Variants in MBD2 observed in about 807,000 individuals in gnomAD.
MBD2 encodes the protein methyl-CpG binding domain protein 2, also known as methyl-CpG-binding domain protein 2.
In MBD2, 9 loss-of-function variants were observed where a neutral mutation model predicts 39.3. That is an observed-to-expected ratio of 0.23 (90% CI 0.14 to 0.40). MBD2 has a LOEUF of 0.40. MBD2 is among the 10% of genes least tolerant of loss of function. The pLI is 1.00. For missense variants in MBD2, 458 were observed against 532.6 expected, an observed-to-expected ratio of 0.86 and a Z score of 1.38; for synonymous variants, 233 against 211.1, an observed-to-expected ratio of 1.10 and a Z score of -0.90.
intron 3 of MBD2, among the ~76,000 whole-genome samples, chr18:54,184,293 C>T (rs1223491165): frequency 6.6e-6 from 1 of 152,084 alleles, no homozygotes. Context: ...TCAGAGGCAG[C>T]ATTAAATTCT....
At chr18:54,189,735 G>T (rs2086307899) in intron 2 of MBD2, among the ~76,000 whole-genome samples, 2 of 151,436 alleles carry the variant, frequency 1.3e-5, no homozygotes, top group Non-Finnish European at 3.0e-5. Flanking sequence ...CGGCAGCCTT[G>T]ACCTCCTGGG....
At chr18:54,200,694 C>CAAAGCTTATTTGCATATTGAGAG (rs1380978428) in intron 2 of MBD2, among the ~76,000 whole-genome samples, 2,615 of 151,752 alleles carry the variant, frequency 0.017, 78 homozygotes, top group African/African-American at 0.06. Flanking sequence ...CATATTGAGG[C>CAAAGCTTATTTGCATATTGAGAG]GCAAAGCTTA....
intron 3 of MBD2, among the ~76,000 whole-genome samples, chr18:54,182,625 A>C (rs1031794904): frequency 6.6e-6 from 1 of 152,228 alleles, no homozygotes; most frequent in African/African-American, 2.4e-5. Flanking sequence ...TTTCAGCAGT[A>C]TAACACTATT....
intron 1 of MBD2, among the ~76,000 whole-genome samples, chr18:54,216,291 T>C (rs1449513211): frequency 6.6e-6 from 1 of 152,206 alleles, no homozygotes; most frequent in Non-Finnish European, 1.5e-5. Context: ...GTATACCTGA[T>C]TTAGTGCAAG....
At chr18:54,206,500 C>G (rs375786142) in intron 1 of MBD2, among the ~76,000 whole-genome samples, 1 of 152,116 alleles carries the variant, frequency 6.6e-6, no homozygotes, top group East Asian at 1.9e-4. Context: ...AGAAAAATAA[C>G]TCATAGGAAG....
Position 54,164,711 on chromosome 18 carries a change from A to C in MBD2, c.932-11T>G, listed in dbSNP as rs1202394700. 6.3e-7 allele frequency: 1 copy of C among 1,593,486 alleles called. No homozygotes were observed. The highest frequency in any genetic ancestry group is 1.1e-5 in the South Asian group (1 of 90,568). On this transcript the variant is annotated splice_polypyrimidine_tract_variant and intron_variant, in intron 4 of 6. Transcript: ENST00000256429. ...TACCTGGACCAACTCCTGCAATGAG[A>C]AACAAGTACTAGTTAAAGGAAATGT...
At chr18:54,160,765 A>G (rs1331831894) in intron 5 of MBD2, among the ~76,000 whole-genome samples, 2 of 152,104 alleles carry the variant, frequency 1.3e-5, no homozygotes, top group African/African-American at 4.8e-5. Flanking sequence ...AGAACCAAGT[A>G]GAGAAGCAAA....
At chr18:54,178,063 A>C (rs1381809420) in intron 3 of MBD2, among the ~76,000 whole-genome samples, 1 of 151,826 alleles carries the variant, frequency 6.6e-6, no homozygotes, top group Non-Finnish European at 1.5e-5. Flanking sequence ...GCTGCTCTCA[A>C]ACTCATGGCC....
chr18:54,215,341 T>C (rs2086548117), intron 1 of MBD2, among the ~76,000 whole-genome samples: 1 of 152,156 alleles, frequency 6.6e-6, no homozygotes. Context: ...TTTTTGTATG[T>C]TCACTTTTAC....
intron 3 of MBD2, among the ~76,000 whole-genome samples, chr18:54,174,975 T>C (rs984896837): frequency 1.3e-5 from 2 of 152,218 alleles, no homozygotes; most frequent in African/African-American, 4.8e-5. Context: ...CAGGTTTATT[T>C]GGAACATGTT....
rs1317242259 is a variant in MBD2, at chr18:54,224,323, G to T, written c.237C>A (p.Gly79=). Residue 79 remains glycine, a synonymous_variant, in exon 1 of 7, where the codon GGC becomes GGA. Coordinates refer to ENST00000256429, the MANE Select transcript of MBD2 (RefSeq NM_003927.5). ...RGGGVCGRGR[G]RGRGRGRGRG... Reference sequence around the variant, plus strand: ...GTCCCCGTCCCCGGCCACGGCCCCGGCCCCGGCCACGGCCACAGACGCCGC... The same window carrying T: ...GTCCCCGTCCCCGGCCACGGCCCCGTCCCCGGCCACGGCCACAGACGCCGC... 1.0e-6 allele frequency: 1 copy of T among 1,000,288 alleles called. No individual in the cohort carries two copies. Among genetic ancestry groups the T allele is most frequent in the Non-Finnish European group, 1.2e-6 (1 of 837,868 alleles). 62.0% of individuals were successfully genotyped at this position (1,000,288 alleles called of 1,614,324 possible).
intron 1 of MBD2, among the ~76,000 whole-genome samples, chr18:54,210,893 A>T: frequency 1.6e-5 from 2 of 127,898 alleles, no homozygotes; most frequent in Non-Finnish European, 1.6e-5. Flanking sequence ...TTTTTTTGAG[A>T]CAGAGTCTCG....
intron 6 of MBD2, 149 bp downstream of exon 6, chr18:54,159,616 G>T (rs566831097): frequency 2.7e-6 from 2 of 735,042 alleles, no homozygotes; most frequent in Non-Finnish European, 4.4e-6. Context: ...ATGGGGTTTT[G>T]CCATGTTGCT....
chr18:54,189,335 C>T (rs1251049822), intron 2 of MBD2, among the ~76,000 whole-genome samples: 1 of 151,622 alleles, frequency 6.6e-6, no homozygotes, highest in Non-Finnish European at 1.5e-5. Context: ...TTACGCCATC[C>T]GCCTCAGCCT....
At chr18:54,211,411 A>ACACG (rs1555663820) in intron 1 of MBD2, among the ~76,000 whole-genome samples, 11 of 151,126 alleles carry the variant, frequency 7.3e-5, no homozygotes, top group African/African-American at 2.2e-4. Flanking sequence ...ACACACACAC[A>ACACG]CACGCACACA....
chr18:54,180,304 T>C (rs2086241729), intron 3 of MBD2, among the ~76,000 whole-genome samples: 1 of 152,118 alleles, frequency 6.6e-6, no homozygotes, highest in South Asian at 2.1e-4. Flanking sequence ...TTGATGAGCA[T>C]GTGGCAGAAA....
intron 4 of MBD2, among the ~76,000 whole-genome samples, chr18:54,165,863 T>C (rs544800033): frequency 2.6e-5 from 4 of 152,286 alleles, no homozygotes; most frequent in Non-Finnish European, 5.9e-5. Context: ...TAAGATAATA[T>C]ACTACACTGC....
At chr18:54,202,909 G>C (rs1401120824) in intron 2 of MBD2, 1 of 1,107,422 alleles carries the variant, frequency 9.0e-7, no homozygotes, top group Non-Finnish European at 1.4e-6. Context: ...TGGAGGAAAG[G>C]ATTGGTTCTG....
intron 2 of MBD2, among the ~76,000 whole-genome samples, chr18:54,200,321 T>G (rs1025538165): frequency 3.3e-5 from 5 of 152,244 alleles, no homozygotes; most frequent in Non-Finnish European, 7.3e-5. Context: ...TAAATTAATG[T>G]TAGGGAACTT....
Sources: allele counts gnomAD v4.1 joint callset (sites outside exome capture counted in the v4.1 genomes callset), GRCh38; gene constraint gnomAD v4.1.1; transcripts MANE v1.5; gene names NCBI Gene and HGNC (gene_info 2026-07-23, HGNC 2026-07-21).